Variants in ACAP2 observed in about 807,000 individuals in gnomAD.
ACAP2 encodes arf-GAP with coiled-coil, ANK repeat and PH domain-containing protein 2.
A neutral mutation model predicts 115.8 loss-of-function variants in ACAP2; 39 were observed. The observed-to-expected ratio is 0.34, with a 90% CI of 0.26 to 0.44. The LOEUF (loss-of-function observed/expected upper bound fraction) is 0.44. Ranked by LOEUF, ACAP2 falls within the 20% of genes least tolerant of loss-of-function variation. ACAP2 has a pLI of 1.00. For missense variants in ACAP2, 662 were observed against 927.6 expected (o/e 0.71, Z 3.72); for synonymous variants, 289 against 315.8 (o/e 0.92, Z 0.90).
Position 195,289,243 on chromosome 3 carries a change from C to G in ACAP2, c.2064-12G>C, listed in dbSNP as rs772617734. ...ATAAACATACCTGCCTGTTTAAGAA[C>G]ACAGCATTTTTGAGATATTGTCGAT... On this transcript the variant is annotated splice_polypyrimidine_tract_variant and intron_variant, in intron 20 of 22. Transcript: ENST00000326793. 24 of 1,580,970 alleles carry G rather than the reference C, an allele frequency of 1.5e-5. No individual in the cohort carries two copies. The East Asian group carries it at 5.4e-4, about 36-fold the overall frequency.
intron 2 of ACAP2, among the ~76,000 whole-genome samples, chr3:195,390,271 T>C (rs1346508303): frequency 6.6e-6 from 1 of 152,160 alleles, no homozygotes; most frequent in Non-Finnish European, 1.5e-5. Flanking sequence ...TCCTCATCAC[T>C]TCCTTGGGCT....
In ACAP2 at chr3:195,326,971, G is replaced by C. The variant is rs1308691305; in HGVS notation, c.670-12C>G. 1 of 1,611,060 alleles carries C rather than the reference G, an allele frequency of 6.2e-7. No individual in the cohort carries two copies. Among genetic ancestry groups the C allele is most frequent in the Non-Finnish European group, 8.5e-7 (1 of 1,178,274 alleles). ...ACCAGTCGATCCAACTGTAAAAAGG[G>C]AAAAGAGAAAACTGCAGACTTAAAA... On this transcript the variant is annotated splice_polypyrimidine_tract_variant and intron_variant, in intron 8 of 22. Transcript: ENST00000326793.
intron 4 of ACAP2, among the ~76,000 whole-genome samples, chr3:195,350,674 A>G (rs992167482): frequency 6.6e-6 from 1 of 151,888 alleles, no homozygotes; most frequent in African/African-American, 2.4e-5. Flanking sequence ...AAAAAAGACA[A>G]GCAAAAAGAT....
At chr3:195,308,739 A>G (rs1199229083) in intron 11 of ACAP2, 47 bp downstream of exon 11, 2 of 1,469,938 alleles carry the variant, frequency 1.4e-6, no homozygotes, top group East Asian at 2.3e-5. Flanking sequence ...AAACAGATAA[A>G]TAACTGAAAC....
At chr3:195,341,605 G>A (rs1270130727) in intron 6 of ACAP2, among the ~76,000 whole-genome samples, 1 of 152,118 alleles carries the variant, frequency 6.6e-6, no homozygotes, top group Non-Finnish European at 1.5e-5. Context: ...TGACAGGCGT[G>A]AGCCACTGCG....
At chr3:195,281,080 C>T (rs953548136) in intron 22 of ACAP2, among the ~76,000 whole-genome samples, 1 of 152,102 alleles carries the variant, frequency 6.6e-6, no homozygotes, top group Non-Finnish European at 1.5e-5. Context: ...AAAGGTCTAA[C>T]AGCATAAGCC....
At chr3:195,372,540 G>T (rs1733225250) in intron 4 of ACAP2, among the ~76,000 whole-genome samples, 8 of 152,080 alleles carry the variant, frequency 5.3e-5, no homozygotes, top group South Asian at 4.1e-4. Flanking sequence ...AAGAAAAAAA[G>T]CCAGACACAA....
At chr3:195,337,446 CTTTTTTTT>C (rs11411412) in intron 6 of ACAP2, among the ~76,000 whole-genome samples, 1 of 131,552 alleles carries the variant, frequency 7.6e-6, no homozygotes, top group Non-Finnish European at 1.6e-5. Context: ...AACCAGTCAT[CTTTTTTTT>C]TTTTTTTTTT....
At chr3:195,371,945 C>T (rs186880075) in intron 4 of ACAP2, among the ~76,000 whole-genome samples, 5 of 152,244 alleles carry the variant, frequency 3.3e-5, no homozygotes, top group African/African-American at 7.2e-5. Context: ...AGGCATGAGC[C>T]GGTACGCCCA....
At chr3:195,424,542 G>A (rs1476422100) in intron 1 of ACAP2, among the ~76,000 whole-genome samples, 6 of 150,886 alleles carry the variant, frequency 4.0e-5, no homozygotes, top group African/African-American at 7.3e-5. Flanking sequence ...CAGACAATCC[G>A]CCTGCTTCGG....
At chr3:195,430,127 T>A (rs1259841356) in intron 1 of ACAP2, among the ~76,000 whole-genome samples, 2 of 152,208 alleles carry the variant, frequency 1.3e-5, no homozygotes, top group Non-Finnish European at 2.9e-5. Context: ...TGTTCTCTAA[T>A]GATTTGTTTC....
chr3:195,378,525 CAAAA>C (rs1474122138), intron 4 of ACAP2, among the ~76,000 whole-genome samples: 1 of 142,536 alleles, frequency 7.0e-6, no homozygotes, highest in Admixed American at 7.1e-5. Context: ...CAAAAAAAAA[CAAAA>C]AAAATCTCTA....
At chr3:195,340,114 T>C (rs892047994) in intron 6 of ACAP2, among the ~76,000 whole-genome samples, 11 of 151,192 alleles carry the variant, frequency 7.3e-5, no homozygotes, top group Non-Finnish European at 1.5e-4. Context: ...CAGACCAATT[T>C]CATGAGAAGA....
intron 9 of ACAP2, among the ~76,000 whole-genome samples, chr3:195,325,795 A>C (rs1729756089): frequency 6.6e-6 from 1 of 152,176 alleles, no homozygotes; most frequent in South Asian, 2.1e-4. Context: ...ATTACCCATG[A>C]ACACATCATA....
chr3:195,296,887 C>G lies in ACAP2; in HGVS notation c.1487+303G>C, dbSNP rs531354620. 3.8e-4 allele frequency among the ~76,000 whole-genome samples: 58 copies of G among 152,214 alleles called. No individual in the cohort carries two copies. The Middle Eastern group carries it at 0.017, about 45-fold the overall frequency. On this transcript the variant is annotated intron_variant, in intron 16 of 22. Coordinates refer to ENST00000326793, the MANE Select transcript of ACAP2 (RefSeq NM_012287.6). ...AGAGACAGTAATGAATAGATTATCCCTTTTTGAATGCTACCATGGACAGAA... is the reference window on the plus strand; with the variant it reads ...AGAGACAGTAATGAATAGATTATCCGTTTTTGAATGCTACCATGGACAGAA...
At position 195,442,928 on chromosome 3, in the gene ACAP2, C is replaced by G; in HGVS notation, c.-81G>C. On this transcript the variant is annotated 5_prime_UTR_variant, in exon 1 of 23. Transcript: ENST00000326793. ...CGCGCTGGGACGCAGACGGCTACGG[C>G]GGGCGCACGGCCGCGACTAGCGTTG... 1 of 1,305,516 alleles carries G rather than the reference C, an allele frequency of 7.7e-7. No homozygotes were observed. The highest frequency in any genetic ancestry group is 1.0e-6 in the Non-Finnish European group (1 of 983,026). 80.9% of individuals were successfully genotyped at this position (1,305,516 alleles called of 1,614,324 possible).
chr3:195,301,853 C>G (rs1292033256), intron 14 of ACAP2, 113 bp downstream of exon 14: 6 of 1,319,716 alleles, frequency 4.5e-6, no homozygotes, highest in African/African-American at 1.5e-5. Flanking sequence ...TACAAAGATA[C>G]AAACTGGTGA....
intron 4 of ACAP2, among the ~76,000 whole-genome samples, chr3:195,365,166 G>A (rs147901637): frequency 1.3e-3 from 196 of 151,970 alleles, no homozygotes; most frequent in Non-Finnish European, 2.3e-3. Flanking sequence ...GTGGTTAATG[G>A]GTACAAAATA....
intron 1 of ACAP2, among the ~76,000 whole-genome samples, chr3:195,392,525 T>C (rs138337768): frequency 1.2e-3 from 188 of 152,348 alleles, no homozygotes; most frequent in African/African-American, 4.2e-3. Flanking sequence ...CAAGGCGTTG[T>C]TGGCAACCAA....
Sources: allele counts gnomAD v4.1 joint callset (sites outside exome capture counted in the v4.1 genomes callset), GRCh38; gene constraint gnomAD v4.1.1; transcripts MANE v1.5; gene names NCBI Gene and HGNC (gene_info 2026-07-23, HGNC 2026-07-21).